The following PYY variants were observed in gnomAD, a reference collection of about 807,000 sequenced individuals.
The protein encoded by PYY is peptide tyrosine tyrosine.
PYY carries 12 observed loss-of-function variants against 10.3 expected under a neutral mutation model. The observed-to-expected ratio is 1.17, with a 90% CI of 0.75 to 1.89. PYY has a LOEUF of 1.89. PYY is among the 40% of genes most tolerant of loss of function. The pLI, the probability that PYY is intolerant of heterozygous loss-of-function variation, is 0.00. For synonymous variants in PYY, 66 were observed against 62.0 expected (o/e 1.06, Z -0.30); for missense variants, 141 against 134.0 (o/e 1.05, Z -0.26).
At chr17:43,985,026 G>T (rs2048907224) in intron 1 of PYY, among the ~76,000 whole-genome samples, 1 of 152,030 alleles carries the variant, frequency 6.6e-6, no homozygotes, top group Non-Finnish European at 1.5e-5. Context: ...TTATAAATTT[G>T]ACGACATTAA....
chr17:43,954,619 G>A (rs1159452687), upstream of PYY, among the ~76,000 whole-genome samples: 1 of 152,132 alleles, frequency 6.6e-6, no homozygotes, highest in African/African-American at 2.4e-5. Context: ...AGCTGAGTCG[G>A]CCACCTGTGT....
intron 1 of PYY, among the ~76,000 whole-genome samples, chr17:43,992,199 A>G (rs1251842736): frequency 1.3e-5 from 2 of 152,164 alleles, no homozygotes; most frequent in Non-Finnish European, 2.9e-5. Context: ...TATTTCAACA[A>G]TATAAGGGAA....
chr17:43,988,131 G>A (rs945128695), intron 1 of PYY, among the ~76,000 whole-genome samples: 2 of 152,172 alleles, frequency 1.3e-5, no homozygotes, highest in South Asian at 4.1e-4. Flanking sequence ...AAGTCAGGAG[G>A]AAGGGCAGCA....
intron 1 of PYY, among the ~76,000 whole-genome samples, chr17:43,975,482 C>A (rs938330581): frequency 6.6e-6 from 1 of 151,728 alleles, no homozygotes; most frequent in African/African-American, 2.4e-5. Flanking sequence ...CCAAGTTGGG[C>A]GGATTGCTTG....
intron 1 of PYY, among the ~76,000 whole-genome samples, chr17:43,986,196 T>A (rs1039826517): frequency 2.6e-5 from 4 of 151,650 alleles, no homozygotes; most frequent in Non-Finnish European, 5.9e-5. Context: ...GAGGCGGGGG[T>A]TGCAGTGAGC....
rs556925490 is a variant in PYY at position 43,971,570 on chromosome 17, A to C, written c.-462-5038T>G. Among the ~76,000 whole-genome samples the C allele has an allele frequency of 5.1e-3, 349 of 67,964 alleles. 2 individuals are homozygous for C. The highest frequency in any genetic ancestry group is 0.019 in the African/African-American group (330 of 17,602). 44.6% of individuals were successfully genotyped at this position (67,964 alleles called of 152,430 possible). A position where few individuals can be genotyped will look rare whatever the true frequency, so the allele number is the denominator to read the frequency against. ...GGGTGACAGAGCAAGGCTCTGTCTC[A>C]AAAAAAAAAAAAAAAATTGCATCTT... is the stretch of plus-strand genomic sequence containing the variant. On this transcript the variant is annotated intron_variant, in intron 1 of 6. Coordinates refer to the PYY transcript ENST00000360085.
At chr17:43,969,954 G>C (rs2048779680) in intron 1 of PYY, among the ~76,000 whole-genome samples, 1 of 151,782 alleles carries the variant, frequency 6.6e-6, no homozygotes, top group South Asian at 2.1e-4. Flanking sequence ...ATATTGTCCA[G>C]GATGGTCTTG....
chr17:43,983,093 G>A (rs1473367554), intron 1 of PYY, among the ~76,000 whole-genome samples: 2 of 152,172 alleles, frequency 1.3e-5, no homozygotes, highest in Admixed American at 6.5e-5. Context: ...TGAGCCGGGT[G>A]TGGTGGTGCA....
chr17:44,003,315 G>A (rs915706273), intron 1 of PYY, among the ~76,000 whole-genome samples: 8 of 152,186 alleles, frequency 5.3e-5, no homozygotes, highest in South Asian at 2.1e-4. Flanking sequence ...TATGGCAAGT[G>A]ATACTGGCCT....
At chr17:43,985,122 AAAG>A (rs1170813648) in intron 1 of PYY, among the ~76,000 whole-genome samples, 1 of 152,240 alleles carries the variant, frequency 6.6e-6, no homozygotes, top group Non-Finnish European at 1.5e-5. Flanking sequence ...GTATACAACC[AAAG>A]AAGCACTAAG....
At position 43,972,187 on chromosome 17, in the gene PYY, T is replaced by TTTATC. The variant is rs1250682278; in HGVS notation, c.-462-5656_-462-5655insGATAA. 1.9e-4 allele frequency among the ~76,000 whole-genome samples: 23 copies of TTTATC among 123,848 alleles called. 1 individual carries two copies. The South Asian group carries it at 6.1e-3, about 33-fold the overall frequency. The allele number at this position is 123,848 out of a possible 152,430, so 81.2% of individuals were successfully genotyped here. On this transcript the variant is annotated intron_variant, in intron 1 of 6. Transcript: ENST00000360085. ...TACTTTAGTTATTTATTTATTTTAT[T>TTTATC]TTATTTTATTTATTTATTTATTTAT...
chr17:43,963,608 AAG>A (rs2048732025), intron 2 of PYY, among the ~76,000 whole-genome samples: 2 of 96,464 alleles, frequency 2.1e-5, no homozygotes, highest in African/African-American at 3.0e-5. Context: ...GAAAGAAAGA[AAG>A]AAAGAAAGAA....
chr17:43,983,865 G>A (rs958186295), intron 1 of PYY, among the ~76,000 whole-genome samples: 1 of 152,214 alleles, frequency 6.6e-6, no homozygotes, highest in East Asian at 1.9e-4. Context: ...CCAGGCGCGC[G>A]CAGGGGCCGC....
intron 1 of PYY, among the ~76,000 whole-genome samples, chr17:43,994,046 G>T (rs2048974537): frequency 6.6e-6 from 1 of 151,724 alleles, no homozygotes; most frequent in African/African-American, 2.4e-5. Context: ...TAGAGATGAG[G>T]TCTCTCTACA....
In PYY at chr17:43,980,484, G is replaced by A. The variant is rs527638456; in HGVS notation, c.-462-13952C>T. On this transcript the variant is annotated intron_variant, in intron 1 of 6. Transcript: ENST00000360085. The stretch of plus-strand genomic sequence containing the variant: ...TGGACTTTTTGTTTTGTTTTGTTTT[G>A]TTTTTTTTGAGACAGGGTCTCACTC... 8.2e-5 allele frequency among the ~76,000 whole-genome samples: 12 copies of A among 146,642 alleles called. No homozygotes were observed. In the South Asian group the frequency reaches 2.2e-3, roughly 27 times the overall value.
Position 43,987,339 on chromosome 17 carries a change from C to T in PYY, c.-463+17052G>A, listed in dbSNP as rs2143947512. The stretch of plus-strand genomic sequence containing the variant: ...TGAGACTGAGCTTCATCAGAAGCAG[C>T]TGCCTCCAGGACTCTAGCCCTGTCT... On this transcript the variant is annotated intron_variant, in intron 1 of 6. Coordinates refer to the PYY transcript ENST00000360085. This position sits in a 1 kb window ranked among gnomAD's most constrained non-coding sequence, Gnocchi z 4.0. 6.6e-6 allele frequency among the ~76,000 whole-genome samples: 1 copy of T among 152,308 alleles called. No individual in the cohort carries two copies. Among genetic ancestry groups the T allele is most frequent in the East Asian group, 1.9e-4 (1 of 5,186 alleles).
At chr17:43,983,088 C>T (rs1262944077) in intron 1 of PYY, among the ~76,000 whole-genome samples, 1 of 152,016 alleles carries the variant, frequency 6.6e-6, no homozygotes, top group Non-Finnish European at 1.5e-5. Context: ...AAAAATGAGC[C>T]GGGTGTGGTG....
intron 1 of PYY, among the ~76,000 whole-genome samples, chr17:43,986,132 G>C (rs1219919905): frequency 6.6e-6 from 1 of 152,154 alleles, no homozygotes; most frequent in African/African-American, 2.4e-5. Flanking sequence ...AGTGGTGCAT[G>C]CCTGTAATCC....
At chr17:43,973,880 C>T (rs1166304045) in intron 1 of PYY, among the ~76,000 whole-genome samples, 1 of 152,144 alleles carries the variant, frequency 6.6e-6, no homozygotes, top group Non-Finnish European at 1.5e-5. Context: ...AGCCTGGTCA[C>T]GAAGGGCCTT....
Sources: allele counts gnomAD v4.1 joint callset (sites outside exome capture counted in the v4.1 genomes callset), GRCh38; gene constraint gnomAD v4.1.1; non-coding constraint Gnocchi (gnomAD v3.1); transcripts MANE v1.5; gene names NCBI Gene and HGNC (gene_info 2026-07-23, HGNC 2026-07-21).